The following DAB1 variants were observed in gnomAD, a reference collection of about 807,000 sequenced individuals.
The protein encoded by DAB1 is DAB adaptor protein 1, also known as disabled homolog 1.
In DAB1, 15 loss-of-function variants were observed where a neutral mutation model predicts 64.6. The observed-to-expected ratio is 0.23, with a 90% CI of 0.16 to 0.36. DAB1 has a LOEUF of 0.36. DAB1 is among the 10% of genes least tolerant of loss of function. The pLI, the probability that DAB1 is intolerant of heterozygous loss-of-function variation, is 1.00. For synonymous variants in DAB1, 235 were observed against 251.9 expected (o/e 0.93, Z 0.64); for missense variants, 596 against 706.7 (o/e 0.84, Z 1.78).
At chr1:57,553,603 C>G (rs1644953176) in intron 7 of DAB1, among the ~76,000 whole-genome samples, 1 of 151,768 alleles carries the variant, frequency 6.6e-6, no homozygotes, top group Non-Finnish European at 1.5e-5. Flanking sequence ...CCCAGAAGAC[C>G]TAAACTGCAG....
chr1:58,222,313 C>G (rs1001298816), intron 4 of DAB1, among the ~76,000 whole-genome samples: 1 of 151,980 alleles, frequency 6.6e-6, no homozygotes, highest in Non-Finnish European at 1.5e-5. Flanking sequence ...TTTTACATGA[C>G]TCTCTCCTCC....
At chr1:57,511,000 A>G (rs890546204) in intron 7 of DAB1, among the ~76,000 whole-genome samples, 1 of 152,142 alleles carries the variant, frequency 6.6e-6, no homozygotes, top group Non-Finnish European at 1.5e-5. Flanking sequence ...CTCTTGCATC[A>G]TCAGTCTCCC....
At chr1:57,569,878 C>T (rs1158213333) in intron 7 of DAB1, among the ~76,000 whole-genome samples, 1 of 152,098 alleles carries the variant, frequency 6.6e-6, no homozygotes, top group African/African-American at 2.4e-5. Flanking sequence ...GGGATTGGTG[C>T]ATTTCCCGTT....
At chr1:57,226,559 T>C (rs1667267240) in intron 2 of DAB1, among the ~76,000 whole-genome samples, 1 of 151,856 alleles carries the variant, frequency 6.6e-6, no homozygotes, top group South Asian at 2.1e-4. Flanking sequence ...ATTTGCATCT[T>C]CAGTATTTTC....
intron 7 of DAB1, among the ~76,000 whole-genome samples, chr1:57,629,735 G>GAAAA (rs35634554): frequency 4.2e-5 from 6 of 143,222 alleles, no homozygotes; most frequent in Non-Finnish European, 6.1e-5. Context: ...TCAAGAACTT[G>GAAAA]AAAAAAAAAA....
rs546805990 is a variant in DAB1, at chr1:57,944,444, G to A, written n.388-60282C>T. ...CAGGCCTGCAGAGCTTTCTTCACAT[G>A]TATATGTCCCACAAGATACTATAGA... On this transcript the variant is annotated intron_variant and non_coding_transcript_variant, in intron 5 of 20. Coordinates refer to the DAB1 transcript ENST00000485760. 2.8e-4 allele frequency among the ~76,000 whole-genome samples: 43 copies of A among 152,272 alleles called. No homozygotes were observed. In the South Asian group the frequency reaches 8.5e-3, roughly 30 times the overall value.
At chr1:57,567,109 A>C (rs1645132339) in intron 7 of DAB1, among the ~76,000 whole-genome samples, 1 of 152,338 alleles carries the variant, frequency 6.6e-6, no homozygotes, top group Non-Finnish European at 1.5e-5. Flanking sequence ...CTGGGATGCA[A>C]GGCTGGTTCA....
At chr1:57,561,650 T>A (rs991679618) in intron 7 of DAB1, among the ~76,000 whole-genome samples, 1 of 152,210 alleles carries the variant, frequency 6.6e-6, no homozygotes, top group Admixed American at 6.5e-5. Context: ...ACTCAGCCTC[T>A]TTCCCCAGTC....
chr1:57,350,993 T>A (rs1042319316), intron 1 of DAB1, among the ~76,000 whole-genome samples: 1 of 152,138 alleles, frequency 6.6e-6, no homozygotes, highest in African/African-American at 2.4e-5. Flanking sequence ...GAGAGACACA[T>A]TGAGGTAGTC....
intron 4 of DAB1, among the ~76,000 whole-genome samples, chr1:58,316,421 T>C (rs772495693): frequency 2.0e-5 from 3 of 152,252 alleles, no homozygotes; most frequent in Non-Finnish European, 4.4e-5. Context: ...AGTTCATTGA[T>C]TCAGCACTCA....
intron 7 of DAB1, among the ~76,000 whole-genome samples, chr1:57,636,083 C>G (rs1485763585): frequency 8.0e-6 from 1 of 124,492 alleles, no homozygotes; most frequent in Non-Finnish European, 1.6e-5. Context: ...GGCAAAAGAG[C>G]GAGACACGGT....
intron 2 of DAB1, among the ~76,000 whole-genome samples, chr1:57,231,061 C>A (rs1017940839): frequency 1.8e-4 from 28 of 152,254 alleles, no homozygotes; most frequent in Admixed American, 8.5e-4. Context: ...CATCAGCTGA[C>A]ACACAATTGA....
At chr1:57,396,345 C>A (rs546416282) in intron 1 of DAB1, among the ~76,000 whole-genome samples, 3 of 152,288 alleles carry the variant, frequency 2.0e-5, no homozygotes, top group East Asian at 3.9e-4. Flanking sequence ...GGTGTCAGAT[C>A]GTCTGAATCC....
At chr1:57,799,102 C>CT (rs1651005197) in intron 6 of DAB1, among the ~76,000 whole-genome samples, 1 of 152,186 alleles carries the variant, frequency 6.6e-6, no homozygotes, top group Non-Finnish European at 1.5e-5. Context: ...CATAACCTCT[C>CT]TGTGAATGCG....
intron 6 of DAB1, among the ~76,000 whole-genome samples, chr1:57,747,546 ACG>A (rs1375629479): frequency 2.0e-5 from 3 of 152,096 alleles, no homozygotes; most frequent in Non-Finnish European, 4.4e-5. Context: ...ACGGTGGCTC[ACG>A]CCTGTAATCC....
At chr1:57,092,519 C>T (rs942160962) in intron 4 of DAB1, among the ~76,000 whole-genome samples, 7 of 152,170 alleles carry the variant, frequency 4.6e-5, no homozygotes, top group East Asian at 1.9e-4. Context: ...CTTGGGAAGA[C>T]GGTACTTGCT....
chr1:58,239,481 A>C (rs1322286531), intron 4 of DAB1, among the ~76,000 whole-genome samples: 1 of 152,200 alleles, frequency 6.6e-6, no homozygotes, highest in Non-Finnish European at 1.5e-5. Flanking sequence ...ACAAGTTAGA[A>C]TCAGCTATTT....
intron 2 of DAB1, among the ~76,000 whole-genome samples, chr1:58,524,466 T>C (rs952849223): frequency 1.3e-5 from 2 of 152,224 alleles, no homozygotes; most frequent in African/African-American, 4.8e-5. Flanking sequence ...TTGAATCATA[T>C]TAGAGTCTAT....
chr1:57,052,732 G>A lies in DAB1; in HGVS notation c.723+10152C>T, dbSNP rs529355340. On this transcript the variant is annotated intron_variant, in intron 9 of 14. Coordinates refer to ENST00000371236, the MANE Select transcript of DAB1 (RefSeq NM_001365792.1). ...TGGAGAGTAGATGAATAATTCTAATGTCCACTAGGGCAATCCCCTTCACGA... is the reference window on the plus strand; with the variant it reads ...TGGAGAGTAGATGAATAATTCTAATATCCACTAGGGCAATCCCCTTCACGA... Among the ~76,000 whole-genome samples the A allele has an allele frequency of 3.9e-5, 6 of 152,242 alleles. No individual in the cohort carries two copies. The East Asian group carries it at 7.7e-4, about 20-fold the overall frequency.
Sources: allele counts gnomAD v4.1 joint callset (sites outside exome capture counted in the v4.1 genomes callset), GRCh38; gene constraint gnomAD v4.1.1; transcripts MANE v1.5; gene names NCBI Gene and HGNC (gene_info 2026-07-23, HGNC 2026-07-21).